Variants in GALNTL6 observed in about 807,000 individuals in gnomAD.
The protein encoded by GALNTL6 is polypeptide N-acetylgalactosaminyltransferase like 6, also known as polypeptide N-acetylgalactosaminyltransferase-like 6.
A neutral mutation model predicts 73.7 loss-of-function variants in GALNTL6; 46 were observed. The observed-to-expected ratio is 0.62, with a 90% CI of 0.49 to 0.80. GALNTL6 has a LOEUF of 0.80. Ranked by LOEUF, GALNTL6 falls within the 30% of genes least tolerant of loss-of-function variation. The probability of loss-of-function intolerance (pLI) is 0.00; values close to 1 mark genes in which losing one functional copy is unlikely to be tolerated. For missense variants in GALNTL6, 604 were observed against 755.0 expected (o/e 0.80, Z 2.34); for synonymous variants, 259 against 263.7 (o/e 0.98, Z 0.17).
intron 5 of GALNTL6, among the ~76,000 whole-genome samples, chr4:172,371,978 AC>A (rs1235259437): frequency 2.0e-5 from 3 of 152,154 alleles, no homozygotes; most frequent in African/African-American, 7.2e-5. Flanking sequence ...AGATAAGCAT[AC>A]TTGCTATCTG....
chr4:172,607,012 G>A (rs1738330353), intron 5 of GALNTL6, among the ~76,000 whole-genome samples: 1 of 151,868 alleles, frequency 6.6e-6, no homozygotes, highest in African/African-American at 2.4e-5. Context: ...TAGTCAGTGG[G>A]AATGTATGGG....
chr4:172,790,000 C>T (rs370983623), intron 5 of GALNTL6, among the ~76,000 whole-genome samples: 2 of 152,246 alleles, frequency 1.3e-5, no homozygotes, highest in East Asian at 1.9e-4. Flanking sequence ...GACATGGTCC[C>T]TGACCTCAAG....
intron 5 of GALNTL6, among the ~76,000 whole-genome samples, chr4:172,743,795 A>G (rs2110748648): frequency 6.6e-6 from 1 of 152,264 alleles, no homozygotes; most frequent in African/African-American, 2.4e-5. Context: ...TGCCAGATAA[A>G]TAACTGTATA....
chr4:172,922,307 CT>C (rs1280779501), intron 8 of GALNTL6, among the ~76,000 whole-genome samples: 4 of 152,080 alleles, frequency 2.6e-5, no homozygotes, highest in African/African-American at 9.7e-5. Flanking sequence ...TGGCATGCCA[CT>C]TTTTTTAGAC....
At chr4:172,776,486 C>T (rs1560945197) in intron 5 of GALNTL6, among the ~76,000 whole-genome samples, 1 of 152,140 alleles carries the variant, frequency 6.6e-6, no homozygotes, top group Non-Finnish European at 1.5e-5. Context: ...CTTGTTAGGG[C>T]TCAGTTAACA....
At chr4:171,870,299 T>C (rs768902326) in intron 2 of GALNTL6, among the ~76,000 whole-genome samples, 2 of 152,158 alleles carry the variant, frequency 1.3e-5, no homozygotes, top group Non-Finnish European at 2.9e-5. Context: ...AGATAATACA[T>C]CCTTCTTGAA....
chr4:173,021,511 C>T lies in GALNTL6; in HGVS notation c.1524C>T (p.Pro508=), dbSNP rs933670275. Residue 508 remains proline, a synonymous_variant, in exon 12 of 13, where the codon CCC becomes CCT. Coordinates refer to ENST00000506823, the MANE Select transcript of GALNTL6 (RefSeq NM_001034845.3). ...TTGGATGGAGAGAAGATATTCGACC[C>T]GGTGAGCCACTGCATACCCGGAAAT... ...FTFGWREDIR[P]GEPLHTRKFC... 4.3e-6 allele frequency: 7 copies of T among 1,613,970 alleles called. No homozygotes were observed. Among genetic ancestry groups the T allele is most frequent in the South Asian group, 1.1e-5 (1 of 91,082 alleles).
chr4:172,610,188 C>T (rs745952532), intron 5 of GALNTL6, among the ~76,000 whole-genome samples: 4 of 151,854 alleles, frequency 2.6e-5, no homozygotes, highest in Admixed American at 6.6e-5. Flanking sequence ...GTCTTAATCT[C>T]CAGTTCAGCT....
intron 2 of GALNTL6, among the ~76,000 whole-genome samples, chr4:171,904,808 C>G (rs1256481409): frequency 1.3e-5 from 2 of 152,192 alleles, no homozygotes; most frequent in African/African-American, 4.8e-5. Flanking sequence ...AGCAGAAACT[C>G]TACATGCCAG....
At chr4:172,475,522 G>A (rs1219336927) in intron 5 of GALNTL6, among the ~76,000 whole-genome samples, 1 of 151,902 alleles carries the variant, frequency 6.6e-6, no homozygotes, top group Non-Finnish European at 1.5e-5. Context: ...TTTCCAAGTG[G>A]TTATAAACTA....
intron 7 of GALNTL6, among the ~76,000 whole-genome samples, chr4:172,847,161 C>T (rs1743557351): frequency 6.6e-6 from 1 of 152,162 alleles, no homozygotes; most frequent in Admixed American, 6.6e-5. Context: ...AAACATGAAC[C>T]AACCTTTATT....
At chr4:172,017,658 G>T (rs774534069) in intron 2 of GALNTL6, among the ~76,000 whole-genome samples, 10 of 152,086 alleles carry the variant, frequency 6.6e-5, no homozygotes, top group East Asian at 1.9e-4. Context: ...AGAAAGGTCT[G>T]GAACCCAAGG....
At chr4:171,837,286 A>G (rs147960803) in intron 2 of GALNTL6, among the ~76,000 whole-genome samples, 1 of 152,148 alleles carries the variant, frequency 6.6e-6, no homozygotes, top group African/African-American at 2.4e-5. Context: ...GGAAAAATCT[A>G]GGACGTAATC....
At chr4:172,050,435 G>A (rs1374599786) in intron 2 of GALNTL6, among the ~76,000 whole-genome samples, 2 of 152,106 alleles carry the variant, frequency 1.3e-5, no homozygotes, top group African/African-American at 4.8e-5. Context: ...ATTTGCAGTT[G>A]GTTAAAAAAG....
chr4:172,209,687 A>G (rs548230479), intron 2 of GALNTL6, among the ~76,000 whole-genome samples: 1 of 152,170 alleles, frequency 6.6e-6, no homozygotes, highest in African/African-American at 2.4e-5. Flanking sequence ...AAAATAAGGA[A>G]TTATATTAGT....
intron 7 of GALNTL6, among the ~76,000 whole-genome samples, chr4:172,861,319 A>ATGTG (rs10664817): frequency 0.025 from 3,723 of 146,234 alleles, 111 homozygotes; most frequent in African/African-American, 0.079. Context: ...TTTTGCTTAC[A>ATGTG]TGTGTGTGTG....
chr4:172,740,200 G>T (rs554232867), intron 5 of GALNTL6, among the ~76,000 whole-genome samples: 1 of 151,934 alleles, frequency 6.6e-6, no homozygotes, highest in Non-Finnish European at 1.5e-5. Context: ...CTTCCACATT[G>T]ACCAAGAACC....
At chr4:172,343,746 C>T (rs1482947265) in intron 4 of GALNTL6, among the ~76,000 whole-genome samples, 1 of 151,904 alleles carries the variant, frequency 6.6e-6, no homozygotes, top group Non-Finnish European at 1.5e-5. Context: ...AGTTTCATTA[C>T]TGTGAAAGAC....
intron 5 of GALNTL6, among the ~76,000 whole-genome samples, chr4:172,516,383 C>T (rs1734607288): frequency 1.3e-5 from 2 of 152,160 alleles, no homozygotes; most frequent in South Asian, 2.1e-4. Flanking sequence ...TGACTCCTCA[C>T]ATATTGGAAA....
Sources: allele counts gnomAD v4.1 joint callset (sites outside exome capture counted in the v4.1 genomes callset), GRCh38; gene constraint gnomAD v4.1.1; transcripts MANE v1.5; gene names NCBI Gene and HGNC (gene_info 2026-07-23, HGNC 2026-07-21).